Variants in NEMF observed in about 807,000 individuals in gnomAD.
The protein encoded by NEMF is ribosome quality control complex subunit NEMF.
NEMF carries 89 observed loss-of-function variants against 162.2 expected under a neutral mutation model. That is an observed-to-expected ratio of 0.55 (90% confidence interval 0.46 to 0.65). The LOEUF is 0.65. Among genes scored for constraint, NEMF ranks in the 30% least tolerant of loss-of-function variants. The pLI is 0.00. For synonymous variants in NEMF, 421 were observed against 404.5 expected, an observed-to-expected ratio of 1.04 and a Z score of -0.49; for missense variants, 1,133 against 1,261.9, an observed-to-expected ratio of 0.90 and a Z score of 1.55.
At chr14:49,800,343 G>C in intron 23 of NEMF, 77 bp downstream of exon 23, 2 of 1,068,572 alleles carry the variant, frequency 1.9e-6, no homozygotes, top group Non-Finnish European at 2.7e-6. Flanking sequence ...GTCAATCTTG[G>C]TATTATCTTT....
At chr14:49,786,792 A>G (rs1890199581) in intron 28 of NEMF, 42 bp from the exon 29 acceptor site, 1 of 1,568,998 alleles carries the variant, frequency 6.4e-7, no homozygotes, top group Admixed American at 1.7e-5. Flanking sequence ...GCTATAATGT[A>G]AAATGAAAAT....
rs1594761059 is a variant in NEMF at position 49,814,844 on chromosome 14, G to A, written c.1591C>T (p.Leu531=). 3 of 1,568,406 alleles carry A rather than the reference G, an allele frequency of 1.9e-6. No homozygotes were observed. In the East Asian group the frequency reaches 7.1e-5, roughly 37 times the overall value. The change falls in exon 17 of 33, where the codon CTG becomes TTG. Residue 531 remains leucine, a synonymous_variant. Transcript: ENST00000298310. ...ARKVYWFEKF[L]WFISSENYLI... is the part of the protein sequence containing the mutation. ...TAGTTCTCTGAGCTAATGAACCACA[G>A]AAATTTCTCAAACCTATCAAAATGA... is the stretch of plus-strand genomic sequence containing the variant.
chr14:49,782,827 C>T lies in NEMF; in HGVS notation c.*1809G>A, dbSNP rs1889972135. ...ACTTTTCTCTTTCCTTGTCCACTTT[C>T]AGGCTAAGCTTAGAAGCAGTCATTT... On this transcript the variant is annotated 3_prime_UTR_variant, in exon 33 of 33. Coordinates refer to ENST00000298310, the MANE Select transcript of NEMF (RefSeq NM_004713.6). 3.1e-6 allele frequency: 5 copies of T among 1,610,812 alleles called. No homozygotes were observed. The African/African-American group carries it at 6.7e-5, about 22-fold the overall frequency.
chr14:49,848,227 C>T (rs1440776754), intron 3 of NEMF, among the ~76,000 whole-genome samples: 1 of 152,064 alleles, frequency 6.6e-6, no homozygotes, highest in Non-Finnish European at 1.5e-5. Flanking sequence ...CGTCTCTAAG[C>T]TTTTGATAAC....
intron 1 of NEMF, 44 bp downstream of exon 1, chr14:49,852,651 C>A: frequency 6.2e-7 from 1 of 1,606,632 alleles, no homozygotes; most frequent in Non-Finnish European, 8.5e-7. Flanking sequence ...CGGCCTCTGC[C>A]TCCTGCACTC....
intron 5 of NEMF, among the ~76,000 whole-genome samples, 190 bp downstream of exon 5, chr14:49,840,528 C>A (rs1487279790): frequency 6.6e-6 from 1 of 151,388 alleles, no homozygotes; most frequent in African/African-American, 2.4e-5. Flanking sequence ...TGCTTACATG[C>A]ACATTTATGT....
intron 23 of NEMF, 51 bp from the exon 24 acceptor site, chr14:49,799,729 T>C: frequency 6.8e-7 from 1 of 1,464,268 alleles, no homozygotes; most frequent in Non-Finnish European, 9.4e-7. Context: ...AAGACATGCA[T>C]TTACAAAGTC....
intron 16 of NEMF, among the ~76,000 whole-genome samples, chr14:49,817,653 A>G (rs1471957011): frequency 6.6e-6 from 1 of 152,202 alleles, no homozygotes; most frequent in Non-Finnish European, 1.5e-5. Context: ...AAAAGCAAAA[A>G]CTGGCAGAAG....
At chr14:49,841,411 C>CTAAAT (rs1893200618) in intron 4 of NEMF, among the ~76,000 whole-genome samples, 1 of 150,934 alleles carries the variant, frequency 6.6e-6, no homozygotes. Flanking sequence ...CCTGTCTCTA[C>CTAAAT]TAAAAATACA....
At position 49,821,124 on chromosome 14, in the gene NEMF, A is replaced by G. The variant is rs1181606057; in HGVS notation, c.1577+4743T>C. Among the ~76,000 whole-genome samples, 4 of 10,918 alleles carry G rather than the reference A, an allele frequency of 3.7e-4. 1 individual carries two copies. The Non-Finnish European group carries it at 0.033, about 89-fold the overall frequency. The allele number at this position is 10,918 out of a possible 152,430, so 7.2% of individuals were successfully genotyped here. On this transcript the variant is annotated intron_variant, in intron 16 of 32. Coordinates refer to ENST00000298310, the MANE Select transcript of NEMF (RefSeq NM_004713.6). ...CGTCTCTGCCCGGCCGCCCCGTCTGAGAAGTGAGGAGCCCCTCCGCCCGGC... is the reference window on the plus strand; with the variant it reads ...CGTCTCTGCCCGGCCGCCCCGTCTGGGAAGTGAGGAGCCCCTCCGCCCGGC...
rs775934657 is a variant in NEMF at position 49,840,840 on chromosome 14, C to T, written c.384G>A (p.Glu128=). The T allele has an allele frequency of 2.5e-6, 4 of 1,606,886 alleles. No homozygotes were observed. In the South Asian group the frequency reaches 4.5e-5, roughly 18 times the overall value. ...ACCTTAGAATATTTAAAATTACGTACTCATAATCTGTAAGAACAATGTTCC... is the reference window on the plus strand; with the variant it reads ...ACCTTAGAATATTTAAAATTACGTATTCATAATCTGTAAGAACAATGTTCC... ...DRGNIVLTDY[E]YVILNILRFR... is the part of the protein sequence containing the mutation. Residue 128 remains glutamate (E), a synonymous_variant, in exon 5 of 33, where the codon GAG becomes GAA. Transcript: ENST00000298310.
rs35247807 is a variant in NEMF, at chr14:49,783,297, AT to A, written c.*1338del. ...AAGTCATTTTTTGAAAACATTATAG[AT>A]TTTTTTTTTTTTAATGGCAAGAGTA... On this transcript the variant is annotated 3_prime_UTR_variant, in exon 33 of 33. Coordinates refer to ENST00000298310, the MANE Select transcript of NEMF (RefSeq NM_004713.6). The A allele has an allele frequency of 2.6e-5, 4 of 156,812 alleles. No homozygotes were observed. The highest frequency in any genetic ancestry group is 9.6e-5 in the African/African-American group (4 of 41,456). 9.7% of individuals were successfully genotyped at this position (156,812 alleles called of 1,614,324 possible). A position where few individuals can be genotyped will look rare whatever the true frequency, so the allele number is the denominator to read the frequency against.
chr14:49,811,191 A>G (rs184313509), intron 18 of NEMF, among the ~76,000 whole-genome samples: 2 of 152,248 alleles, frequency 1.3e-5, no homozygotes, highest in African/African-American at 4.8e-5. Context: ...ATTCCTAAGT[A>G]TTTTATTCTT....
chr14:49,810,861 A>G (rs1431611773), intron 18 of NEMF, among the ~76,000 whole-genome samples: 2 of 152,104 alleles, frequency 1.3e-5, no homozygotes, highest in Admixed American at 6.6e-5. Context: ...CACAGTGGCA[A>G]ATGTCTATGG....
At chr14:49,812,242 C>T (rs1891514078) in intron 18 of NEMF, among the ~76,000 whole-genome samples, 1 of 152,056 alleles carries the variant, frequency 6.6e-6, no homozygotes, top group Admixed American at 6.6e-5. Context: ...CTTTCAATAT[C>T]TGTAAAGTCG....
intron 26 of NEMF, among the ~76,000 whole-genome samples, chr14:49,791,711 T>C (rs1347909246): frequency 6.8e-6 from 1 of 147,328 alleles, no homozygotes; most frequent in East Asian, 2.0e-4. Context: ...CACTCCAGCC[T>C]GGGCAACAGA....
At position 49,828,991 on chromosome 14, in the gene NEMF, G is replaced by C. The variant is rs1594782589; in HGVS notation, c.1232+63C>G. On this transcript the variant is annotated intron_variant, in intron 13 of 32. Transcript: ENST00000298310. ...ATATGAAGAAAAAATGTTTAATACA[G>C]TGAACAATTAAAATAACAAAATAAA... The C allele has an allele frequency of 2.7e-6, 4 of 1,480,720 alleles. No individual in the cohort carries two copies. In the East Asian group the frequency reaches 9.1e-5, roughly 34 times the overall value. The allele number at this position is 1,480,720 out of a possible 1,614,324, so 91.7% of individuals were successfully genotyped here. A position where few individuals can be genotyped will look rare whatever the true frequency, so the allele number is the denominator to read the frequency against.
At chr14:49,841,873 A>G (rs1460074328) in intron 4 of NEMF, among the ~76,000 whole-genome samples, 1 of 152,186 alleles carries the variant, frequency 6.6e-6, no homozygotes, top group Non-Finnish European at 1.5e-5. Flanking sequence ...TGGGAGGCTG[A>G]GGCGGGCAGA....
intron 5 of NEMF, among the ~76,000 whole-genome samples, chr14:49,839,020 G>A (rs1030625178): frequency 2.6e-5 from 4 of 151,924 alleles, no homozygotes; most frequent in African/African-American, 9.7e-5. Flanking sequence ...GGTGGGGGTG[G>A]CAATCTATGT....
Sources: gnomAD v4.1 joint callset for allele counts (sites outside exome capture counted in the v4.1 genomes callset) on GRCh38, gnomAD v4.1.1 for gene constraint, MANE v1.5 for transcripts, NCBI Gene and HGNC (gene_info 2026-07-23, HGNC 2026-07-21) for gene names.